The following TSHZ1 variants were observed in gnomAD, a reference collection of about 807,000 sequenced individuals.
The protein encoded by TSHZ1 is teashirt zinc finger homeobox 1, also known as teashirt homolog 1.
Under a neutral mutation model 67.1 loss-of-function variants are expected in TSHZ1, and 12 were observed. The ratio of observed to expected loss-of-function variants is 0.18; its 90% CI spans 0.11 to 0.29. The LOEUF (loss-of-function observed/expected upper bound fraction) is 0.29, where lower values mean the gene tolerates loss of function less well. TSHZ1 is among the 10% of genes least tolerant of loss of function. TSHZ1 has a pLI of 1.00. For missense variants in TSHZ1, 1,305 were observed against 1,413.9 expected (o/e 0.92, Z 1.23); for synonymous variants, 632 against 622.4 (o/e 1.02, Z -0.23).
chr18:75,216,754 G>C (rs1461348198), intron 1 of TSHZ1, among the ~76,000 whole-genome samples: 1 of 152,182 alleles, frequency 6.6e-6, no homozygotes, highest in Non-Finnish European at 1.5e-5. Flanking sequence ...GTCGCCCAGG[G>C]TGGTGCCCAC....
rs571242423 is a variant in TSHZ1, at chr18:75,259,751, A to G, written c.41-25697A>G. Among the ~76,000 whole-genome samples, 11 of 152,344 alleles carry G rather than the reference A, an allele frequency of 7.2e-5. No individual in the cohort carries two copies. The South Asian group carries it at 2.3e-3, about 32-fold the overall frequency. ...GAAGAAAAAACAGTATGTATAATGT[A>G]TCCCCTGCAACTAAGGGGATACATT... On this transcript the variant is annotated intron_variant, in intron 1 of 1. Transcript: ENST00000580243.
chr18:75,273,182 A>C (rs920115356), intron 1 of TSHZ1, among the ~76,000 whole-genome samples: 1 of 152,216 alleles, frequency 6.6e-6, no homozygotes, highest in Non-Finnish European at 1.5e-5. Flanking sequence ...AAGCACCCAC[A>C]CTTGTTCATC....
chr18:75,224,265 T>C (rs2022890745), intron 1 of TSHZ1, among the ~76,000 whole-genome samples: 1 of 152,172 alleles, frequency 6.6e-6, no homozygotes, highest in African/African-American at 2.4e-5. Flanking sequence ...AATTATTACC[T>C]TTGATGTCTA....
At chr18:75,229,317 A>G (rs1457433314) in intron 1 of TSHZ1, among the ~76,000 whole-genome samples, 2 of 152,244 alleles carry the variant, frequency 1.3e-5, no homozygotes, top group Non-Finnish European at 2.9e-5. Context: ...TGTTAAACGA[A>G]AGTAACTTTC....
intron 1 of TSHZ1, 122 bp downstream of exon 1, chr18:75,212,038 C>T: frequency 1.4e-6 from 1 of 718,096 alleles, no homozygotes; most frequent in Non-Finnish European, 1.8e-6. Context: ...AGGGGAGGCC[C>T]AGCCTGCGCT....
rs1239019000 is a variant in TSHZ1, at chr18:75,211,739, CGCCCGGA to C, written c.-125_-119del. ...GAGCGGCTCCCCGCGGTCCGCGGCG[CGCCCGGA>C]GCCCGGAGCCCGCGGGGACGAGGCC... On this transcript the variant is annotated 5_prime_UTR_variant, in exon 1 of 2. An upstream open reading frame in the 5' UTR loses its in-frame stop. Transcript: ENST00000580243. The C allele has an allele frequency of 5.2e-6, 2 of 383,892 alleles. No homozygotes were observed. The highest frequency in any genetic ancestry group is 7.1e-6 in the Non-Finnish European group (2 of 283,210). 23.8% of individuals were successfully genotyped at this position (383,892 alleles called of 1,614,324 possible).
At chr18:75,274,181 GT>G in intron 1 of TSHZ1, among the ~76,000 whole-genome samples, 1 of 152,142 alleles carries the variant, frequency 6.6e-6, no homozygotes, top group Non-Finnish European at 1.5e-5. Context: ...TGGCAAAGCT[GT>G]TTTGACACAA....
chr18:75,257,412 G>A (rs960636759), intron 1 of TSHZ1, among the ~76,000 whole-genome samples: 2 of 152,190 alleles, frequency 1.3e-5, no homozygotes, highest in African/African-American at 4.8e-5. Context: ...CCATGTTTCA[G>A]AATCTTGGCT....
intron 1 of TSHZ1, among the ~76,000 whole-genome samples, chr18:75,235,123 G>A (rs1296639115): frequency 6.6e-6 from 1 of 152,072 alleles, no homozygotes; most frequent in Non-Finnish European, 1.5e-5. Context: ...GTGAATGTGA[G>A]GGTTTAATCA....
At position 75,287,626 on chromosome 18, in the gene TSHZ1, C is replaced by T. The variant is rs757917396; in HGVS notation, c.2219C>T (p.Pro740Leu). Residue 740 changes from proline to leucine, a missense_variant, in exon 2 of 2, where the codon CCT (proline) becomes CTT (leucine). Around this residue, in one of 3 missense-constraint regions of TSHZ1, gnomAD observed 909 missense variants for 961.8 expected, o/e 0.95. Transcript: ENST00000580243. The surrounding 1 kb of genome is among the most constrained non-coding windows in gnomAD (Gnocchi z 5.0). Reference sequence around the variant, plus strand: ...ATCATCATGGACCACTCACCGGAGCCTTCCTTCATCAACCCGCTGAGCGCT... The same window carrying T: ...ATCATCATGGACCACTCACCGGAGCTTTCCTTCATCAACCCGCTGAGCGCT... ...LGIIMDHSPE[P>L]SFINPLSALQ... 1.2e-5 allele frequency: 20 copies of T among 1,614,074 alleles called. 1 individual carries two copies. The highest frequency in any genetic ancestry group is 1.7e-5 in the Admixed American group (1 of 60,016).
chr18:75,255,243 T>C (rs2023349202), intron 1 of TSHZ1, among the ~76,000 whole-genome samples: 1 of 152,152 alleles, frequency 6.6e-6, no homozygotes. Flanking sequence ...TCAGCATATG[T>C]GGGTCTGGTT....
intron 1 of TSHZ1, among the ~76,000 whole-genome samples, chr18:75,264,509 T>G: frequency 6.8e-6 from 1 of 147,670 alleles, no homozygotes; most frequent in African/African-American, 2.5e-5. Context: ...TTTTTAAGTG[T>G]AGGAGAAGGA....
intron 1 of TSHZ1, among the ~76,000 whole-genome samples, chr18:75,264,883 G>A (rs915997634): frequency 1.3e-5 from 2 of 152,094 alleles, no homozygotes; most frequent in Non-Finnish European, 2.9e-5. Flanking sequence ...ACTCAATTAC[G>A]CTTTAGGCAA....
intron 1 of TSHZ1, among the ~76,000 whole-genome samples, 170 bp downstream of exon 1, chr18:75,212,086 C>G (rs1007040706): frequency 2.6e-5 from 4 of 152,084 alleles, no homozygotes; most frequent in Admixed American, 6.5e-5. Flanking sequence ...GCCGTCCTCC[C>G]CCACACCCCC....
chr18:75,277,856 T>C (rs1224301849), intron 1 of TSHZ1, among the ~76,000 whole-genome samples: 2 of 152,114 alleles, frequency 1.3e-5, no homozygotes, highest in Non-Finnish European at 2.9e-5. Flanking sequence ...CATAAATACT[T>C]CCTATAACCC....
intron 1 of TSHZ1, among the ~76,000 whole-genome samples, chr18:75,265,224 G>A (rs2023476428): frequency 6.6e-6 from 1 of 152,204 alleles, no homozygotes; most frequent in Non-Finnish European, 1.5e-5. Flanking sequence ...TGAGTGGAAT[G>A]TTTTCTTGTA....
At chr18:75,278,090 C>T (rs2023636858) in intron 1 of TSHZ1, among the ~76,000 whole-genome samples, 2 of 152,130 alleles carry the variant, frequency 1.3e-5, no homozygotes. Flanking sequence ...CAGCAATGGC[C>T]ACGTTAGTGT....
intron 1 of TSHZ1, among the ~76,000 whole-genome samples, chr18:75,268,070 T>G (rs1455455496): frequency 6.6e-6 from 1 of 152,210 alleles, no homozygotes; most frequent in Non-Finnish European, 1.5e-5. Flanking sequence ...ATTAAATTAT[T>G]AGATAATTTG....
At chr18:75,257,625 A>C (rs902249036) in intron 1 of TSHZ1, among the ~76,000 whole-genome samples, 10 of 152,118 alleles carry the variant, frequency 6.6e-5, no homozygotes, top group African/African-American at 2.4e-4. Flanking sequence ...GACAGAAAAA[A>C]AAAAAGGCTG....
Sources: gnomAD v4.1 joint callset for allele counts (sites outside exome capture counted in the v4.1 genomes callset) on GRCh38, gnomAD v4.1.1 for gene constraint, gnomAD v4.1.1 regional missense constraint, Gnocchi (gnomAD v3.1) non-coding constraint, MANE v1.5 for transcripts, NCBI Gene and HGNC (gene_info 2026-07-23, HGNC 2026-07-21) for gene names.